The following TACR2 variants were observed in gnomAD, a reference collection of about 807,000 sequenced individuals.
TACR2 encodes tachykinin receptor 2.
TACR2 carries 24 observed loss-of-function variants against 28.9 expected under a neutral mutation model. The observed-to-expected ratio is 0.83, with a 90% confidence interval of 0.60 to 1.17. The LOEUF is 1.17. Among genes scored for constraint, TACR2 ranks in the 50% most tolerant of loss-of-function variants. The probability of loss-of-function intolerance (pLI) is 0.00; values close to 1 mark genes in which losing one functional copy is unlikely to be tolerated. For synonymous variants in TACR2, 222 were observed against 212.6 expected, an observed-to-expected ratio of 1.04 and a Z score of -0.38; for missense variants, 487 against 524.4, an observed-to-expected ratio of 0.93 and a Z score of 0.70.
chr10:69,413,434 C>T (rs181432367), intron 2 of TACR2, among the ~76,000 whole-genome samples: 2 of 152,290 alleles, frequency 1.3e-5, no homozygotes, highest in African/African-American at 4.8e-5. Flanking sequence ...TGGAGAAATA[C>T]CGACCCCAAG....
intron 4 of TACR2, 118 bp downstream of exon 4, chr10:69,406,966 A>G: frequency 9.6e-7 from 1 of 1,043,314 alleles, no homozygotes; most frequent in Non-Finnish European, 1.4e-6. Flanking sequence ...GGCTGGGGGC[A>G]CAGGGCCACA....
At chr10:69,409,327 C>A in intron 2 of TACR2, 1 of 360,520 alleles carries the variant, frequency 2.8e-6, no homozygotes, top group Non-Finnish European at 5.0e-6. Flanking sequence ...CATCCTTCCA[C>A]GTGATAGACA....
chr10:69,408,803 CCGCCCCCGTCCCA>C, intron 3 of TACR2, 106 bp downstream of exon 3: 1 of 67,366 alleles, frequency 1.5e-5, no homozygotes, highest in Non-Finnish European at 3.0e-5. Context: ...CGCCCCCGTC[CCGCCCCCGTCCCA>C]CCCCCGTCCC....
rs1840615478 is a variant in TACR2 at position 69,416,065 on chromosome 10, C to A, written c.259G>T (p.Ala87Ser). ...CTGGCATAGACAAAGTTGAAGGCGGCATTGAAGGCAGCCATGCAGAGGTCA... is the reference window on the plus strand; with the variant it reads ...CTGGCATAGACAAAGTTGAAGGCGGAATTGAAGGCAGCCATGCAGAGGTCA... ...LADLCMAAFN[A>S]AFNFVYASHN... Residue 87 changes from alanine to serine, a missense_variant, in exon 1 of 5, where the codon GCC becomes TCC. By Grantham distance (99) the Ala-to-Ser change is moderately conservative. Coordinates refer to ENST00000373306, the MANE Select transcript of TACR2 (RefSeq NM_001057.3). 6.2e-7 allele frequency: 1 copy of A among 1,614,046 alleles called. No individual in the cohort carries two copies. Among genetic ancestry groups the A allele is most frequent in the South Asian group, 1.1e-5 (1 of 91,082 alleles).
At chr10:69,411,327 A>C (rs12256873) in intron 2 of TACR2, among the ~76,000 whole-genome samples, 1 of 152,296 alleles carries the variant, frequency 6.6e-6, no homozygotes, top group South Asian at 2.1e-4. Context: ...TCTAATCCTT[A>C]AGCTGTCCTT....
chr10:69,406,952 T>C, intron 4 of TACR2, 132 bp downstream of exon 4: 1 of 907,762 alleles, frequency 1.1e-6, no homozygotes, highest in Non-Finnish European at 1.7e-6. Flanking sequence ...GGCTTTCTCA[T>C]GTAGGCTGGG....
At position 69,416,183 on chromosome 10, in the gene TACR2, G is replaced by T; in HGVS notation, c.141C>A (p.Ala47=). ...AGATGACGATGGCATTACCCGTCAC[G>T]GCCACCAGCACCAGGGCCAGGTAGG... ...ATAYLALVLV[A]VTGNAIVIWI... is the part of the protein sequence containing the mutation. The change falls in exon 1 of 5, where the codon GCC becomes GCA. Residue 47 remains alanine (A), a synonymous_variant. Coordinates refer to ENST00000373306, the MANE Select transcript of TACR2 (RefSeq NM_001057.3). The T allele has an allele frequency of 1.2e-6, 2 of 1,614,196 alleles. No homozygotes were observed. Among genetic ancestry groups the T allele is most frequent in the East Asian group, 2.2e-5 (1 of 44,888 alleles).
rs58692969 is a variant in TACR2 at position 69,404,839 on chromosome 10, T to C, written c.1184A>G (p.His395Arg). ...GCCACATTGGGATCAAATTTCAACATGAGTTTTGGTGGGGGCAAGCAAACC... is the reference window on the plus strand; with the variant it reads ...GCCACATTGGGATCAAATTTCAACACGAGTTTTGGTGGGGGCAAGCAAACC... ...GYGLLAPTKT[H>R]VEI Residue 395 changes from histidine (H) to arginine (R), a missense_variant, in exon 5 of 5, where the codon CAT (histidine) becomes CGT (arginine). Transcript: ENST00000373306. 23,396 of 1,543,262 alleles carry C rather than the reference T, an allele frequency of 0.015. 1,516 individuals carry two copies. The African/African-American group carries it at 0.19, about 13-fold the overall frequency.
rs201416163 is a variant in TACR2, at chr10:69,416,569, C to T, written c.-246G>A. ...ATTCCATCCTTCCGGCCAGACTTCTCGAATATCATGTGGAAACACAGAATT... is the reference window on the plus strand; with the variant it reads ...ATTCCATCCTTCCGGCCAGACTTCTTGAATATCATGTGGAAACACAGAATT... On this transcript the variant is annotated 5_prime_UTR_variant, in exon 1 of 5. Transcript: ENST00000373306. 43 of 447,248 alleles carry T rather than the reference C, an allele frequency of 9.6e-5. No homozygotes were observed. Among genetic ancestry groups the T allele is most frequent in the Non-Finnish European group, 1.4e-4 (35 of 255,764 alleles). The allele number at this position is 447,248 out of a possible 1,614,324, so 27.7% of individuals were successfully genotyped here. A position where few individuals can be genotyped will look rare whatever the true frequency, so the allele number is the denominator to read the frequency against.
In TACR2 at chr10:69,416,635, A is replaced by C; in HGVS notation, c.-312T>G. 3.9e-6 allele frequency: 1 copy of C among 257,126 alleles called. No homozygotes were observed. The highest frequency in any genetic ancestry group is 7.4e-6 in the Non-Finnish European group (1 of 135,194). The allele number at this position is 257,126 out of a possible 1,614,324, so 15.9% of individuals were successfully genotyped here. ...GAGCAGAAAACACCCTTATAAATCAACCCCTTCGCTGAAGAGATGGAAGAC... is the reference window on the plus strand; with the variant it reads ...GAGCAGAAAACACCCTTATAAATCACCCCCTTCGCTGAAGAGATGGAAGAC... On this transcript the variant is annotated 5_prime_UTR_variant, in exon 1 of 5. Transcript: ENST00000373306.
intron 2 of TACR2, among the ~76,000 whole-genome samples, chr10:69,410,464 T>A (rs973852015): frequency 2.0e-5 from 3 of 148,442 alleles, no homozygotes. Flanking sequence ...GAGGCTGTAA[T>A]GAGCTATGAT....
chr10:69,404,993 G>A lies in TACR2; in HGVS notation c.1030C>T (p.Leu344Phe), dbSNP rs761783460. The change falls in exon 5 of 5, where the codon CTC becomes TTC. Residue 344 changes from leucine to phenylalanine, a missense_variant. Physicochemically the swap from Leu to Phe is conservative, Grantham distance 22. Coordinates refer to ENST00000373306, the MANE Select transcript of TACR2 (RefSeq NM_001057.3). ...DKLELTPTTS[L>F]STRVNRCHTK... ...TGACACCTGTTGACTCTCGTGGAGA[G>A]GGAGGTCGTGGGAGTCAGCTCGAGC... is the stretch of plus-strand genomic sequence containing the variant. 4.3e-6 allele frequency: 7 copies of A among 1,614,188 alleles called. No individual in the cohort carries two copies. The Admixed American group carries it at 8.3e-5, about 19-fold the overall frequency.
rs199932211 is a variant in TACR2, at chr10:69,416,556, C to T, written c.-233G>A. The stretch of plus-strand genomic sequence containing the variant: ...ATTGTCATTTCAGATTCCATCCTTC[C>T]GGCCAGACTTCTCGAATATCATGTG... On this transcript the variant is annotated 5_prime_UTR_variant, in exon 1 of 5. Transcript: ENST00000373306. 173 of 476,458 alleles carry T rather than the reference C, an allele frequency of 3.6e-4. 1 individual carries two copies. The South Asian group carries it at 5.5e-3, about 15-fold the overall frequency. The allele number at this position is 476,458 out of a possible 1,614,324, so 29.5% of individuals were successfully genotyped here.
At chr10:69,415,300 G>A (rs1254807395) in intron 1 of TACR2, among the ~76,000 whole-genome samples, 161 bp from the exon 2 acceptor site, 1 of 152,144 alleles carries the variant, frequency 6.6e-6, no homozygotes, top group Non-Finnish European at 1.5e-5. Flanking sequence ...CAGAGAGCCC[G>A]CTGGGTGACT....
At chr10:69,409,921 A>ATG (rs1414002787) in intron 2 of TACR2, among the ~76,000 whole-genome samples, 4 of 87,056 alleles carry the variant, frequency 4.6e-5, no homozygotes, top group Non-Finnish European at 4.5e-5. Context: ...ATATATATAT[A>ATG]TATATATATA....
intron 4 of TACR2, among the ~76,000 whole-genome samples, chr10:69,406,228 C>T (rs7093197): frequency 0.058 from 8,762 of 152,262 alleles, 757 homozygotes; most frequent in African/African-American, 0.19. Context: ...ATCATTGTCT[C>T]ACTGAGGTGA....
Position 69,409,047 on chromosome 10 carries a change from A to G in TACR2, c.616T>C (p.Tyr206His). ...AACATCACCGCGAGCGGCAGGAAGT[A>G]GATGAGGGCGATCACCACGAGGTGG... The part of the protein sequence containing the change: ...LYHLVVIALI[Y>H]FLPLAVMFVA... Residue 206 changes from tyrosine to histidine, a missense_variant, in exon 3 of 5, where the codon TAC (tyrosine) becomes CAC (histidine). Physicochemically the swap from Tyr to His is moderately conservative, Grantham distance 83. Transcript: ENST00000373306. The G allele has an allele frequency of 2.5e-6, 4 of 1,606,260 alleles. No homozygotes were observed. The South Asian group carries it at 3.3e-5, about 13-fold the overall frequency.
At chr10:69,413,499 C>G (rs185455473) in intron 2 of TACR2, among the ~76,000 whole-genome samples, 4 of 152,356 alleles carry the variant, frequency 2.6e-5, no homozygotes, top group Admixed American at 6.5e-5. Context: ...GAAAGCCGGG[C>G]ATTCCCCATA....
intron 4 of TACR2, among the ~76,000 whole-genome samples, chr10:69,405,380 C>A (rs201973584): frequency 1.4e-5 from 2 of 145,314 alleles, no homozygotes; most frequent in African/African-American, 2.8e-5. Context: ...AAAAAACCAA[C>A]CAACCAACAA....
Sources: gnomAD v4.1 joint callset for allele counts (sites outside exome capture counted in the v4.1 genomes callset) on GRCh38, gnomAD v4.1.1 for gene constraint, MANE v1.5 for transcripts, NCBI Gene and HGNC (gene_info 2026-07-23, HGNC 2026-07-21) for gene names.